TAFA1: variants seen among roughly 807,000 people sequenced by gnomAD.
The protein encoded by TAFA1 is TAFA chemokine like family member 1.
In TAFA1, 4 loss-of-function variants were observed where a neutral mutation model predicts 18.5. The ratio of observed to expected loss-of-function variants is 0.22; its 90% CI spans 0.11 to 0.49. The LOEUF (loss-of-function observed/expected upper bound fraction) is 0.49. TAFA1 is among the 20% of genes least tolerant of loss of function. The pLI, the probability that TAFA1 is intolerant of heterozygous loss-of-function variation, is 0.98. For synonymous variants in TAFA1, 56 were observed against 55.2 expected, an observed-to-expected ratio of 1.01 and a Z score of -0.06; for missense variants, 147 against 169.0, an observed-to-expected ratio of 0.87 and a Z score of 0.72.
At chr3:68,301,291 C>T (rs1304379693) in intron 2 of TAFA1, among the ~76,000 whole-genome samples, 1 of 152,122 alleles carries the variant, frequency 6.6e-6, no homozygotes, top group East Asian at 1.9e-4. Context: ...TATCTCACTA[C>T]ATAAATTTTT....
chr3:68,267,922 A>T (rs1458168313), intron 2 of TAFA1, among the ~76,000 whole-genome samples: 2 of 152,196 alleles, frequency 1.3e-5, no homozygotes, highest in African/African-American at 4.8e-5. Context: ...AGGCTGCTAG[A>T]TGCTACTATA....
At chr3:68,018,808 A>C (rs1290678629) in intron 2 of TAFA1, among the ~76,000 whole-genome samples, 1 of 152,228 alleles carries the variant, frequency 6.6e-6, no homozygotes, top group Non-Finnish European at 1.5e-5. Context: ...GATTTGTTTA[A>C]GGTCACCTAG....
At chr3:68,347,301 C>A (rs769074411) in intron 2 of TAFA1, among the ~76,000 whole-genome samples, 1 of 152,152 alleles carries the variant, frequency 6.6e-6, no homozygotes, top group Admixed American at 6.6e-5. Context: ...TCTTGCTATC[C>A]GCTCCCTTGC....
chr3:68,255,721 T>A (rs960720234), intron 2 of TAFA1, among the ~76,000 whole-genome samples: 2 of 152,072 alleles, frequency 1.3e-5, no homozygotes, highest in African/African-American at 4.8e-5. Context: ...ATTTATTTTT[T>A]AAGGGACCCT....
intron 2 of TAFA1, among the ~76,000 whole-genome samples, chr3:68,275,294 G>A (rs761213760): frequency 1.4e-4 from 22 of 152,004 alleles, no homozygotes; most frequent in Non-Finnish European, 1.3e-4. Context: ...AATCTTTGTG[G>A]GGGAGTGAAA....
intron 3 of TAFA1, among the ~76,000 whole-genome samples, chr3:68,526,778 A>G (rs982032610): frequency 2.6e-5 from 4 of 152,144 alleles, no homozygotes; most frequent in Admixed American, 6.5e-5. Context: ...CCTCTGCCAA[A>G]TGGAATCATG....
At chr3:68,415,975 T>C (rs1035906261) in intron 2 of TAFA1, among the ~76,000 whole-genome samples, 1 of 152,220 alleles carries the variant, frequency 6.6e-6, no homozygotes, top group Non-Finnish European at 1.5e-5. Context: ...ATCGATCTTT[T>C]GAGCCAGATC....
intron 3 of TAFA1, among the ~76,000 whole-genome samples, chr3:68,499,368 G>A (rs953810952): frequency 1.3e-5 from 2 of 151,406 alleles, no homozygotes; most frequent in Non-Finnish European, 2.9e-5. Context: ...TTAGTAGAGA[G>A]GGTATTTTTG....
chr3:68,181,385 A>AC (rs1019129517), intron 2 of TAFA1, among the ~76,000 whole-genome samples: 3 of 152,106 alleles, frequency 2.0e-5, no homozygotes, highest in African/African-American at 7.2e-5. Context: ...ATACAAAAAA[A>AC]AAAAAAAAAA....
chr3:68,364,582 A>G (rs1045344348), intron 2 of TAFA1, among the ~76,000 whole-genome samples: 1 of 152,250 alleles, frequency 6.6e-6, no homozygotes, highest in South Asian at 2.1e-4. Flanking sequence ...ATAAACTTAC[A>G]GACATCTAAG....
intron 4 of TAFA1, among the ~76,000 whole-genome samples, chr3:68,540,414 C>A (rs537993868): frequency 6.6e-6 from 1 of 152,098 alleles, no homozygotes; most frequent in South Asian, 2.1e-4. Flanking sequence ...TCCACAGAGA[C>A]CATTTTAATT....
intron 2 of TAFA1, among the ~76,000 whole-genome samples, chr3:68,118,007 C>A (rs902269244): frequency 6.6e-6 from 1 of 152,134 alleles, no homozygotes; most frequent in Admixed American, 6.5e-5. Flanking sequence ...GCACCAGGAA[C>A]TGGTTTTGTT....
chr3:68,376,985 G>C (rs796824341), intron 2 of TAFA1, among the ~76,000 whole-genome samples: 1 of 152,072 alleles, frequency 6.6e-6, no homozygotes, highest in Non-Finnish European at 1.5e-5. Flanking sequence ...TTGTGAAAAA[G>C]GTCCTTGGTT....
chr3:68,061,482 C>A (rs929854653), intron 2 of TAFA1, among the ~76,000 whole-genome samples: 1 of 152,070 alleles, frequency 6.6e-6, no homozygotes, highest in Admixed American at 6.5e-5. Flanking sequence ...GGAATCAGTG[C>A]AGGGATACAA....
At chr3:67,999,494 T>C (rs1559696799), upstream of TAFA1, among the ~76,000 whole-genome samples, 1 of 152,176 alleles carries the variant, frequency 6.6e-6, no homozygotes, top group South Asian at 2.1e-4. Flanking sequence ...GGGGGTCTCT[T>C]CTAGGTCCAA....
At chr3:68,446,111 T>C (rs1163017947) in intron 3 of TAFA1, among the ~76,000 whole-genome samples, 1 of 152,138 alleles carries the variant, frequency 6.6e-6, no homozygotes, top group African/African-American at 2.4e-5. Flanking sequence ...CTTGCTATGT[T>C]GCTCAGGCTG....
At chr3:68,082,648 C>A (rs1484937178) in intron 2 of TAFA1, among the ~76,000 whole-genome samples, 1 of 152,156 alleles carries the variant, frequency 6.6e-6, no homozygotes, top group South Asian at 2.1e-4. Flanking sequence ...TGCTGTTGAT[C>A]ATGATGATAA....
chr3:68,353,917 C>G (rs777860237), intron 2 of TAFA1, among the ~76,000 whole-genome samples: 1 of 151,994 alleles, frequency 6.6e-6, no homozygotes, highest in Non-Finnish European at 1.5e-5. Flanking sequence ...AATGCTGCAA[C>G]TAATTCATAC....
At chr3:68,307,740 T>C (rs55645226) in intron 2 of TAFA1, among the ~76,000 whole-genome samples, 62,827 of 151,952 alleles carry the variant, frequency 0.41, 15,094 homozygotes, top group Non-Finnish European at 0.54. Flanking sequence ...CATATTAGTT[T>C]CATCTGGAGA....
Sources: gnomAD v4.1 joint callset for allele counts (sites outside exome capture counted in the v4.1 genomes callset) on GRCh38, gnomAD v4.1.1 for gene constraint, MANE v1.5 for transcripts, NCBI Gene and HGNC (gene_info 2026-07-23, HGNC 2026-07-21) for gene names.